The following GCLC variants were observed in gnomAD, a reference collection of about 807,000 sequenced individuals.
GCLC encodes the protein glutamate-cysteine ligase catalytic subunit, also known as glutamate--cysteine ligase catalytic subunit.
A neutral mutation model predicts 81.5 loss-of-function variants in GCLC; 30 were observed. The ratio of observed to expected loss-of-function variants is 0.37; its 90% confidence interval spans 0.28 to 0.50. GCLC has a LOEUF of 0.50. Ranked by LOEUF, GCLC falls within the 20% of genes least tolerant of loss-of-function variation. The pLI is 0.96. For missense variants in GCLC, 556 were observed against 777.4 expected (o/e 0.72, Z 3.39); for synonymous variants, 262 against 273.3 (o/e 0.96, Z 0.41).
At chr6:53,527,581 C>G (rs946791663) in intron 1 of GCLC, among the ~76,000 whole-genome samples, 2 of 152,146 alleles carry the variant, frequency 1.3e-5, no homozygotes, top group East Asian at 3.9e-4. Flanking sequence ...AAGAGCCAGG[C>G]AGATGTGGCT....
chr6:53,500,740 A>T, intron 12 of GCLC: 1 of 584,806 alleles, frequency 1.7e-6, no homozygotes, highest in Non-Finnish European at 3.0e-6. Flanking sequence ...TTTAAGAGAA[A>T]CTTAAAACCC....
At position 53,507,656 on chromosome 6, in the gene GCLC, T is replaced by C. The variant is rs145774147; in HGVS notation, c.946-38A>G. ...AATATATATAAATGAATATGCTATA[T>C]AAAATGAGTGGAATATATTTTTATA... On this transcript the variant is annotated intron_variant, in intron 8 of 15. Coordinates refer to ENST00000650454, the MANE Select transcript of GCLC (RefSeq NM_001498.4). The C allele has an allele frequency of 4.3e-4, 382 of 883,564 alleles. 1 individual carries two copies. Among genetic ancestry groups the C allele is most frequent in the African/African-American group, 3.4e-3 (199 of 59,292 alleles). 54.7% of individuals were successfully genotyped at this position (883,564 alleles called of 1,614,324 possible). A position where few individuals can be genotyped will look rare whatever the true frequency, so the allele number is the denominator to read the frequency against.
At chr6:53,529,892 C>T (rs1447898073) in intron 1 of GCLC, among the ~76,000 whole-genome samples, 2 of 152,246 alleles carry the variant, frequency 1.3e-5, no homozygotes, top group African/African-American at 4.8e-5. Context: ...GGGGACAAGA[C>T]AGAGAACACA....
Position 53,526,662 on chromosome 6 carries a change from C to G in GCLC, c.151-4135G>C, listed in dbSNP as rs369027001. Among the ~76,000 whole-genome samples, 11 of 151,824 alleles carry G rather than the reference C, an allele frequency of 7.2e-5. No homozygotes were observed. The East Asian group carries it at 7.7e-4, about 11-fold the overall frequency. ...AAATACAAAAAATTAGCTAGGCATG[C>G]TGGCGGGCGCCTGTAGTCCCAGCTA... is the stretch of plus-strand genomic sequence containing the variant. On this transcript the variant is annotated intron_variant, in intron 1 of 15. Transcript: ENST00000650454.
intron 1 of GCLC, among the ~76,000 whole-genome samples, chr6:53,530,058 C>G (rs1048509505): frequency 3.3e-5 from 5 of 152,208 alleles, no homozygotes; most frequent in African/African-American, 7.2e-5. Flanking sequence ...TTCCTAGGAA[C>G]TGAAGTTAGA....
At chr6:53,508,373 A>G (rs1017095536) in intron 8 of GCLC, among the ~76,000 whole-genome samples, 4 of 152,256 alleles carry the variant, frequency 2.6e-5, no homozygotes, top group African/African-American at 9.6e-5. Context: ...AACAGCCATC[A>G]GCACTTCCAA....
chr6:53,508,760 A>G (rs1434829444), intron 7 of GCLC, 49 bp from the exon 8 acceptor site: 10 of 1,246,322 alleles, frequency 8.0e-6, no homozygotes, highest in Non-Finnish European at 9.5e-6. Context: ...TGTCACTTAC[A>G]TGCTAAAAAA....
At chr6:53,501,963 G>A (rs986726329) in intron 12 of GCLC, among the ~76,000 whole-genome samples, 1 of 152,170 alleles carries the variant, frequency 6.6e-6, no homozygotes, top group Non-Finnish European at 1.5e-5. Flanking sequence ...AGCTCTGCCA[G>A]CATGTCTTTC....
rs374629517 is a variant in GCLC at position 53,500,281 on chromosome 6, G to A, written c.1547C>T (p.Thr516Ile). The change falls in exon 14 of 16, where the codon ACC (threonine) becomes ATC (isoleucine). Residue 516 changes from threonine (T) to isoleucine (I), a missense_variant. Physicochemically the swap from Thr to Ile is moderately conservative, Grantham distance 89 (BLOSUM62 -1). Coordinates refer to ENST00000650454, the MANE Select transcript of GCLC (RefSeq NM_001498.4). The stretch of plus-strand genomic sequence containing the variant: ...GATGATGGTGTCTATGCTCATGAGG[G>A]TGTACTCCTCTGCAGCGAGCTCCGT... ...NSTELAAEEY[T>I]LMSIDTIING... 4.3e-6 allele frequency: 7 copies of A among 1,613,982 alleles called. No homozygotes were observed. In the African/African-American group the frequency reaches 5.3e-5, roughly 12 times the overall value.
At chr6:53,526,017 C>G (rs183244476) in intron 1 of GCLC, among the ~76,000 whole-genome samples, 1 of 152,134 alleles carries the variant, frequency 6.6e-6, no homozygotes, top group Non-Finnish European at 1.5e-5. Flanking sequence ...TTTTATCCTA[C>G]TAGAATAAAA....
At chr6:53,530,251 C>T (rs570715842) in intron 1 of GCLC, among the ~76,000 whole-genome samples, 30 of 152,238 alleles carry the variant, frequency 2.0e-4, no homozygotes, top group African/African-American at 6.5e-4. Flanking sequence ...CACCATCATA[C>T]GAATCTGAGT....
intron 3 of GCLC, among the ~76,000 whole-genome samples, chr6:53,518,994 C>A (rs896706145): frequency 1.3e-5 from 2 of 152,176 alleles, no homozygotes; most frequent in African/African-American, 2.4e-5. Flanking sequence ...CCAGCACCCA[C>A]GGGCATCCAG....
At chr6:53,519,124 C>T in intron 3 of GCLC, among the ~76,000 whole-genome samples, 1 of 152,238 alleles carries the variant, frequency 6.6e-6, no homozygotes. Context: ...AAAGGGGATG[C>T]CATCTGCCCA....
At chr6:53,524,816 T>C (rs543106559) in intron 1 of GCLC, among the ~76,000 whole-genome samples, 165 of 152,382 alleles carry the variant, frequency 1.1e-3, no homozygotes, top group African/African-American at 3.8e-3. Flanking sequence ...ATAACTTTAA[T>C]TGTTAGTTTC....
chr6:53,537,874 G>T (rs1328743452), intron 1 of GCLC, among the ~76,000 whole-genome samples: 2 of 151,848 alleles, frequency 1.3e-5, no homozygotes, highest in Non-Finnish European at 2.9e-5. Flanking sequence ...TTACTTAACA[G>T]GCTAGGCACC....
intron 1 of GCLC, among the ~76,000 whole-genome samples, chr6:53,543,460 C>T (rs1005635302): frequency 2.1e-5 from 3 of 145,676 alleles, no homozygotes; most frequent in African/African-American, 7.6e-5. Context: ...AAAAAAAAAA[C>T]TAACTTTTTG....
intron 1 of GCLC, among the ~76,000 whole-genome samples, chr6:53,537,656 TA>T (rs59965759): frequency 0.036 from 5,345 of 148,246 alleles, 143 homozygotes; most frequent in Middle Eastern, 0.095. Flanking sequence ...TACATAATAT[TA>T]AAAAAAAGAA....
Position 53,511,908 on chromosome 6 carries a change from G to T in GCLC, c.753+2296C>A, listed in dbSNP as rs866728200. Among the ~76,000 whole-genome samples, 25 of 121,574 alleles carry T rather than the reference G, an allele frequency of 2.1e-4. 1 individual carries two copies. The highest frequency in any genetic ancestry group is 3.4e-4 in the South Asian group (1 of 2,954). 79.8% of individuals were successfully genotyped at this position (121,574 alleles called of 152,430 possible). A position where few individuals can be genotyped will look rare whatever the true frequency, so the allele number is the denominator to read the frequency against. On this transcript the variant is annotated intron_variant, in intron 6 of 15. Transcript: ENST00000650454. ...TGAAGTCACATGACTTTGGGGGGGGGGGTGGGAGGGGCTACCATAACCTGT... is the reference window on the plus strand; with the variant it reads ...TGAAGTCACATGACTTTGGGGGGGGTGGTGGGAGGGGCTACCATAACCTGT...
intron 1 of GCLC, among the ~76,000 whole-genome samples, chr6:53,544,243 T>G (rs2127632940): frequency 6.6e-6 from 1 of 152,240 alleles, no homozygotes; most frequent in South Asian, 2.1e-4. Flanking sequence ...CAGCGCCCAA[T>G]CCGTGTTTAT....
Sources: allele counts gnomAD v4.1 joint callset (sites outside exome capture counted in the v4.1 genomes callset), GRCh38; gene constraint gnomAD v4.1.1; transcripts MANE v1.5; gene names NCBI Gene and HGNC (gene_info 2026-07-23, HGNC 2026-07-21).